UTRN: variants seen among roughly 807,000 people sequenced by gnomAD.
UTRN encodes dystrophin-related protein 1.
Under a neutral mutation model 463.9 loss-of-function variants are expected in UTRN, and 283 were observed. The observed-to-expected ratio is 0.61, with a 90% CI of 0.55 to 0.67. The LOEUF is 0.67. UTRN is among the 30% of genes least tolerant of loss of function. The probability of loss-of-function intolerance (pLI) is 0.00; values close to 1 mark genes in which losing one functional copy is unlikely to be tolerated. For missense variants in UTRN, 3,922 were observed against 4,084.3 expected, an observed-to-expected ratio of 0.96 and a Z score of 1.08; for synonymous variants, 1,442 against 1,431.5, an observed-to-expected ratio of 1.01 and a Z score of -0.17.
chr6:144,603,484 A>G (rs774486249), intron 51 of UTRN, among the ~76,000 whole-genome samples: 4 of 152,168 alleles, frequency 2.6e-5, no homozygotes, highest in Non-Finnish European at 5.9e-5. Context: ...ATTACTTGTA[A>G]GAATTTTTTG....
At position 144,479,955 on chromosome 6, in the gene UTRN, G is replaced by A; in HGVS notation, c.3480G>A (p.Glu1160=). 2 of 1,614,170 alleles carry A rather than the reference G, an allele frequency of 1.2e-6. No homozygotes were observed. Among genetic ancestry groups the A allele is most frequent in the Non-Finnish European group, 1.7e-6 (2 of 1,180,022 alleles). ...ATTTTGAGTACAAGTCACCAGAAGA[G>A]CTTGAGAGTGCTGTGGAAGAGATGA... ...ERDFEYKSPE[E]LESAVEEMKR... Residue 1160 remains glutamate (E), a synonymous_variant, in exon 26 of 75, where the codon GAG becomes GAA. Transcript: ENST00000367545.
chr6:144,640,233 A>G (rs558568931), intron 51 of UTRN, among the ~76,000 whole-genome samples: 1 of 152,326 alleles, frequency 6.6e-6, no homozygotes, highest in African/African-American at 2.4e-5. Context: ...TGTGGAATCT[A>G]ATGTTAATGA....
chr6:144,377,664 C>T (rs924894135), intron 2 of UTRN, among the ~76,000 whole-genome samples: 1 of 152,090 alleles, frequency 6.6e-6, no homozygotes, highest in Non-Finnish European at 1.5e-5. Flanking sequence ...GGGGCTGCTC[C>T]CTGTGTGTGG....
intron 2 of UTRN, among the ~76,000 whole-genome samples, chr6:144,300,776 T>C (rs1805173775): frequency 6.6e-6 from 1 of 152,212 alleles, no homozygotes; most frequent in Non-Finnish European, 1.5e-5. Flanking sequence ...TGTTCATATG[T>C]GGAGTAAGTT....
At chr6:144,366,318 G>A (rs2114699324) in intron 2 of UTRN, among the ~76,000 whole-genome samples, 1 of 152,184 alleles carries the variant, frequency 6.6e-6, no homozygotes, top group Admixed American at 6.5e-5. Flanking sequence ...TGTGTAATAG[G>A]GGTTTGTTGT....
chr6:144,470,670 G>T (rs973977349), intron 23 of UTRN, among the ~76,000 whole-genome samples: 1 of 152,234 alleles, frequency 6.6e-6, no homozygotes, highest in Middle Eastern at 3.4e-3. Flanking sequence ...GGAGGCCAAA[G>T]CAGGCGGCTG....
In UTRN at chr6:144,717,627, C is replaced by CTTTTTTTTTTTTTTTTTTTTT. The variant is rs1333769413; in HGVS notation, c.7810-12724_7810-12723insTTTTTTTTTTTTTTTTTTTTT. Among the ~76,000 whole-genome samples, 5 of 112,682 alleles carry CTTTTTTTTTTTTTTTTTTTTT rather than the reference C, an allele frequency of 4.4e-5. 1 individual carries two copies. The highest frequency in any genetic ancestry group is 8.7e-5 in the African/African-American group (2 of 22,958). 73.9% of individuals were successfully genotyped at this position (112,682 alleles called of 152,430 possible). The stretch of plus-strand genomic sequence containing the variant: ...ATTTTTTTCTTTTTCTTTTTCTTTT[C>CTTTTTTTTTTTTTTTTTTTTT]TTTTTTCTTTTTTTTTTTTTTTTTT... On this transcript the variant is annotated intron_variant, in intron 53 of 74. Coordinates refer to ENST00000367545, the MANE Select transcript of UTRN (RefSeq NM_007124.3).
At chr6:144,717,312 G>A (rs1048432588) in intron 53 of UTRN, among the ~76,000 whole-genome samples, 1 of 152,202 alleles carries the variant, frequency 6.6e-6, no homozygotes, top group African/African-American at 2.4e-5. Flanking sequence ...TTTGATGTTT[G>A]GGTTAGTCAT....
At chr6:144,490,623 A>G (rs1240206224) in intron 31 of UTRN, among the ~76,000 whole-genome samples, 1 of 152,174 alleles carries the variant, frequency 6.6e-6, no homozygotes, top group East Asian at 1.9e-4. Flanking sequence ...AGGTTCCTGA[A>G]CTATCTTTTT....
At chr6:144,521,304 A>G (rs1011723860) in intron 39 of UTRN, among the ~76,000 whole-genome samples, 2 of 152,084 alleles carry the variant, frequency 1.3e-5, no homozygotes, top group African/African-American at 4.8e-5. Context: ...CCAAAAAAAT[A>G]AAAATGAAAA....
intron 41 of UTRN, among the ~76,000 whole-genome samples, chr6:144,526,746 GT>G (rs200877832): frequency 0.11 from 14,850 of 130,836 alleles, 1,289 homozygotes; most frequent in East Asian, 0.52. Context: ...CAATACCTTG[GT>G]TTTTTTTTTT....
At chr6:144,361,473 C>G (rs1019522557) in intron 2 of UTRN, among the ~76,000 whole-genome samples, 1 of 152,108 alleles carries the variant, frequency 6.6e-6, no homozygotes, top group African/African-American at 2.4e-5. Context: ...CAGGAGTCTT[C>G]CAGGGAAGTC....
chr6:144,551,870 G>T (rs1474756032), intron 48 of UTRN, among the ~76,000 whole-genome samples: 1 of 151,882 alleles, frequency 6.6e-6, no homozygotes, highest in African/African-American at 2.4e-5. Context: ...ATTTCTCTTG[G>T]CCTTTTCTTC....
chr6:144,840,516 CACAA>C (rs1387277808), intron 72 of UTRN, among the ~76,000 whole-genome samples: 7 of 152,166 alleles, frequency 4.6e-5, no homozygotes, highest in Non-Finnish European at 7.3e-5. Context: ...ATTCTTTCTA[CACAA>C]ACAAACAGCT....
rs772925957 is a variant in UTRN, at chr6:144,751,824, G to A, written c.8227G>A (p.Ala2743Thr). 2.5e-6 allele frequency: 4 copies of A among 1,606,272 alleles called. No individual in the cohort carries two copies. Among genetic ancestry groups the A allele is most frequent in the Admixed American group, 3.4e-5 (2 of 58,484 alleles). Residue 2743 changes from alanine (A) to threonine (T), a missense_variant, in exon 56 of 75, where the codon GCA (alanine) becomes ACA (threonine). Physicochemically the swap from Ala to Thr is moderately conservative, Grantham distance 58 (BLOSUM62 0). Transcript: ENST00000367545. ...CTTCTAGGCATTTAGAGAAGAAATT[G>A]CACCAATCAACTTTAAAGTTAAAAC... ...EKIMAFREEI[A>T]PINFKVKTVN...
intron 69 of UTRN, among the ~76,000 whole-genome samples, chr6:144,834,816 C>G (rs2128759861): frequency 6.6e-6 from 1 of 152,302 alleles, no homozygotes; most frequent in East Asian, 1.9e-4. Flanking sequence ...CTGCTTCAGT[C>G]ATGAGATAGC....
chr6:144,495,762 A>G lies in UTRN; in HGVS notation c.4593+2306A>G, dbSNP rs147920100. 2.4e-3 allele frequency among the ~76,000 whole-genome samples: 370 copies of G among 152,364 alleles called. 1 individual carries two copies. Among genetic ancestry groups the G allele is most frequent in the African/African-American group, 8.1e-3 (337 of 41,592 alleles). On this transcript the variant is annotated intron_variant, in intron 33 of 74. Transcript: ENST00000367545. ...ATAAATGTTAATAATTCCAAATTTC[A>G]ATGGATAGCAGTAGCCGGTGTTGGC...
chr6:144,845,196 G>A (rs1781913562), intron 73 of UTRN, among the ~76,000 whole-genome samples: 2 of 151,996 alleles, frequency 1.3e-5, no homozygotes, highest in Non-Finnish European at 2.9e-5. Context: ...TTCCTGGCAA[G>A]GAGTTAAGGA....
intron 50 of UTRN, among the ~76,000 whole-genome samples, chr6:144,573,698 G>GAATAAAATAAAATAAAATAA (rs148232067): frequency 8.0e-5 from 12 of 149,984 alleles, no homozygotes; most frequent in African/African-American, 3.0e-4. Context: ...TCCATCTCTA[G>GAATAAAATAAAATAAAATAA]AATAAAATAA....
Sources: gnomAD v4.1 joint callset for allele counts (sites outside exome capture counted in the v4.1 genomes callset) on GRCh38, gnomAD v4.1.1 for gene constraint, MANE v1.5 for transcripts, NCBI Gene and HGNC (gene_info 2026-07-23, HGNC 2026-07-21) for gene names.